The following ANGPTL8 variants were observed in gnomAD, a reference collection of about 807,000 sequenced individuals.
ANGPTL8 encodes the protein angiopoietin-like protein 8.
A neutral mutation model predicts 22.6 loss-of-function variants in ANGPTL8; 24 were observed. That is an observed-to-expected ratio of 1.06 (90% CI 0.77 to 1.49). ANGPTL8 has a LOEUF of 1.49. ANGPTL8 is among the 40% of genes most tolerant of loss of function. The probability of loss-of-function intolerance (pLI) is 0.00; values close to 1 mark genes in which losing one functional copy is unlikely to be tolerated. For missense variants in ANGPTL8, 230 were observed against 259.6 expected (o/e 0.89, Z 0.78); for synonymous variants, 88 against 113.4 (o/e 0.78, Z 1.42).
chr19:11,239,667 G>A lies in ANGPTL8; in HGVS notation c.30G>A (p.Trp10Ter). 1 of 1,613,736 alleles carries A rather than the reference G, an allele frequency of 6.2e-7. No homozygotes were observed. The highest frequency in any genetic ancestry group is 8.5e-7 in the Non-Finnish European group (1 of 1,179,856). MPVPALCLL[W>*]ALAMVTRPAS... ...CAGTGCCTGCTCTGTGCCTGCTCTG[G>A]GCCCTGGCAATGGTGACCCGGCCTG... The change falls in exon 1 of 4, where the codon TGG becomes TGA. Residue 10 changes from tryptophan to a stop codon, truncating the protein, a stop_gained. Coordinates refer to ENST00000252453, the MANE Select transcript of ANGPTL8 (RefSeq NM_018687.7). LOFTEE classifies it high-confidence loss of function.
chr19:11,240,317 T>G (rs1255086391), intron 2 of ANGPTL8, 21 bp downstream of exon 2: 3 of 1,530,124 alleles, frequency 2.0e-6, no homozygotes, highest in Non-Finnish European at 2.6e-6. Context: ...CCCCCAACCC[T>G]AGTGGGCTGA....
intron 2 of ANGPTL8, 145 bp downstream of exon 2, chr19:11,240,441 C>A (rs2079925084): frequency 1.2e-6 from 1 of 825,848 alleles, no homozygotes; most frequent in Non-Finnish European, 1.8e-6. Flanking sequence ...AAACTCAAGT[C>A]CTTTTGTGTG....
chr19:11,241,469 A>G lies in ANGPTL8; in HGVS notation c.484A>G (p.Ile162Val), dbSNP rs1244911541. 7 of 1,551,570 alleles carry G rather than the reference A, an allele frequency of 4.5e-6. No individual in the cohort carries two copies. The highest frequency in any genetic ancestry group is 6.1e-6 in the Non-Finnish European group (7 of 1,147,218). ...GGCTCACGCTGACAAGCAGAGCCAC[A>G]TCCTATGGGCCCTCACAGGCCACGT... Reference protein sequence around the residue: ...LKAHADKQSHILWALTGHVQR... With the variant: ...LKAHADKQSHVLWALTGHVQR... The change falls in exon 3 of 4, where the codon ATC (isoleucine) becomes GTC (valine). Residue 162 changes from isoleucine to valine, a missense_variant. Transcript: ENST00000252453.
At position 11,239,700 on chromosome 19, in the gene ANGPTL8, G is replaced by A. The variant is rs372882086; in HGVS notation, c.63G>A (p.Ala21=). The A allele has an allele frequency of 8.1e-5, 131 of 1,613,492 alleles. No individual in the cohort carries two copies. Among genetic ancestry groups the A allele is most frequent in the Middle Eastern group, 3.3e-4 (2 of 6,074 alleles). The stretch of plus-strand genomic sequence containing the variant: ...CAATGGTGACCCGGCCTGCCTCAGC[G>A]GCCCCCATGGGCGGCCCAGAACTGG... ...ALAMVTRPAS[A]APMGGPELAQ... Residue 21 remains alanine (A), a synonymous_variant, in exon 1 of 4, where the codon GCG becomes GCA. Transcript: ENST00000252453.
At position 11,241,749 on chromosome 19, in the gene ANGPTL8, GC is replaced by G; in HGVS notation, c.*66del. 1 of 1,553,806 alleles carries G rather than the reference GC, an allele frequency of 6.4e-7. No individual in the cohort carries two copies. On this transcript the variant is annotated 3_prime_UTR_variant, in exon 4 of 4. Transcript: ENST00000252453. ...AAGGAACACTTCCACGCCCCGTGAG[GC>G]CCCTGTGCAGGGAGGAGCTGCCTGT...
chr19:11,241,579 G>A (rs957168765), intron 3 of ANGPTL8, 25 bp downstream of exon 3: 9 of 1,554,952 alleles, frequency 5.8e-6, no homozygotes, highest in Non-Finnish European at 7.8e-6. Context: ...GGTTTGGCAG[G>A]CAGGGCAGTT....
In ANGPTL8 at chr19:11,241,857, T is replaced by G. The variant is rs2079951433; in HGVS notation, c.*170T>G. On this transcript the variant is annotated 3_prime_UTR_variant, in exon 4 of 4. Coordinates refer to ENST00000252453, the MANE Select transcript of ANGPTL8 (RefSeq NM_018687.7). ...CGCAGGCGGGGACAAAGGCAGAGGA[T>G]GTAGCCCCATTGGGGAGGGGTGGAG... The G allele has an allele frequency of 8.4e-6, 11 of 1,303,336 alleles. No homozygotes were observed. The highest frequency in any genetic ancestry group is 1.2e-5 in the Non-Finnish European group (11 of 935,788). 80.7% of individuals were successfully genotyped at this position (1,303,336 alleles called of 1,614,324 possible).
Position 11,241,444 on chromosome 19 carries a change from G to A in ANGPTL8, c.460-1G>A, listed in dbSNP as rs1255689377. 16 of 1,547,412 alleles carry A rather than the reference G, an allele frequency of 1.0e-5. No homozygotes were observed. The East Asian group carries it at 2.4e-4, about 24-fold the overall frequency. ...TGAGGTTTCCATTCTGACCCCCACA[G>A]GCTCACGCTGACAAGCAGAGCCACA... is the stretch of plus-strand genomic sequence containing the variant. On this transcript the variant is annotated splice_acceptor_variant, in intron 2 of 3. Transcript: ENST00000252453. LOFTEE classifies it high-confidence loss of function.
In ANGPTL8 at chr19:11,241,896, C is replaced by T. The variant is rs996951300; in HGVS notation, c.*209C>T. The T allele has an allele frequency of 1.6e-6, 2 of 1,252,882 alleles. No individual in the cohort carries two copies. Among genetic ancestry groups the T allele is most frequent in the Non-Finnish European group, 2.2e-6 (2 of 898,138 alleles). The allele number at this position is 1,252,882 out of a possible 1,614,324, so 77.6% of individuals were successfully genotyped here. On this transcript the variant is annotated 3_prime_UTR_variant, in exon 4 of 4. Coordinates refer to ENST00000252453, the MANE Select transcript of ANGPTL8 (RefSeq NM_018687.7). ...GGAGGGGTGGAGGAAGGACATGTAC[C>T]CTTTCATGCCTACACACCCCTCATT...
Position 11,241,599 on chromosome 19 carries a change from G to T in ANGPTL8, c.569+45G>T, listed in dbSNP as rs1319208067. ...GGCAGGCAGGGCAGTTGGATGGGGG[G>T]CGCACAGGGCAGCTGGAAAGGGGCC... On this transcript the variant is annotated intron_variant, in intron 3 of 3. Coordinates refer to ENST00000252453, the MANE Select transcript of ANGPTL8 (RefSeq NM_018687.7). 4 of 1,556,998 alleles carry T rather than the reference G, an allele frequency of 2.6e-6. No homozygotes were observed. The South Asian group carries it at 3.6e-5, about 14-fold the overall frequency.
intron 2 of ANGPTL8, among the ~76,000 whole-genome samples, chr19:11,241,105 G>A (rs2079936556): frequency 6.6e-6 from 1 of 151,928 alleles, no homozygotes; most frequent in African/African-American, 2.4e-5. Context: ...AATTAGCTGG[G>A]CGTGGTGGCA....
rs752084449 is a variant in ANGPTL8, at chr19:11,239,852, G to A, written c.215G>A (p.Arg72His). The A allele has an allele frequency of 3.1e-5, 50 of 1,598,756 alleles. No homozygotes were observed. The highest frequency in any genetic ancestry group is 3.5e-5 in the Admixed American group (2 of 56,924). The change falls in exon 1 of 4, where the codon CGC (arginine) becomes CAC (histidine). Residue 72 changes from arginine (R) to histidine (H), a missense_variant. Physicochemically the swap from Arg to His is conservative, Grantham distance 29 (BLOSUM62 0). Transcript: ENST00000252453. ...KARNSLGLYGRTIELLGQEVS... is the reference protein window; with the variant it reads ...KARNSLGLYGHTIELLGQEVS... ...AGGAACAGCCTGGGTCTCTATGGCC[G>A]CACAATAGAACTCCTGGGGCAGGAG...
In ANGPTL8 at chr19:11,241,854, G is replaced by C; in HGVS notation, c.*167G>C. The C allele has an allele frequency of 7.6e-7, 1 of 1,323,750 alleles. No homozygotes were observed. The highest frequency in any genetic ancestry group is 1.0e-6 in the Non-Finnish European group (1 of 953,322). The allele number at this position is 1,323,750 out of a possible 1,614,324, so 82.0% of individuals were successfully genotyped here. ...AGACGCAGGCGGGGACAAAGGCAGA[G>C]GATGTAGCCCCATTGGGGAGGGGTG... On this transcript the variant is annotated 3_prime_UTR_variant, in exon 4 of 4. Transcript: ENST00000252453.
Position 11,240,261 on chromosome 19 carries a change from C to T in ANGPTL8, c.424C>T (p.Leu142=). ...RLEVQLRSAW[L]GPAYREFEVL... The stretch of plus-strand genomic sequence containing the variant: ...AGAAGTCCAGCTGAGGAGCGCCTGG[C>T]TGGGCCCTGCCTACCGAGAATTTGA... The change falls in exon 2 of 4, where the codon CTG becomes TTG. Residue 142 remains leucine, a synonymous_variant. Coordinates refer to ENST00000252453, the MANE Select transcript of ANGPTL8 (RefSeq NM_018687.7). The T allele has an allele frequency of 3.8e-6, 6 of 1,584,894 alleles. No homozygotes were observed. The highest frequency in any genetic ancestry group is 5.1e-6 in the Non-Finnish European group (6 of 1,166,664).
In ANGPTL8 at chr19:11,239,915, C is replaced by A. The variant is rs1355873080; in HGVS notation, c.278C>A (p.Ala93Glu). ...RGRDAAQELR[A>E]SLLETQMEED... ...CGGGATGCAGCCCAGGAACTTCGGG[C>A]AAGCCTGTTGGAGACTCAGGTGGGC... is the stretch of plus-strand genomic sequence containing the variant. Residue 93 changes from alanine to glutamate, a missense_variant, in exon 1 of 4, where the codon GCA (alanine) becomes GAA (glutamate). Physicochemically the swap from Ala to Glu is moderately radical, Grantham distance 107. Coordinates refer to ENST00000252453, the MANE Select transcript of ANGPTL8 (RefSeq NM_018687.7). 6.3e-7 allele frequency: 1 copy of A among 1,587,368 alleles called. No homozygotes were observed. The highest frequency in any genetic ancestry group is 8.6e-7 in the Non-Finnish European group (1 of 1,167,176).
rs996951300 is a variant in ANGPTL8 at position 11,241,896 on chromosome 19, C to G, written c.*209C>G. 5.7e-5 allele frequency: 72 copies of G among 1,252,764 alleles called. No homozygotes were observed. Among genetic ancestry groups the G allele is most frequent in the Non-Finnish European group, 7.9e-5 (71 of 898,146 alleles). The allele number at this position is 1,252,764 out of a possible 1,614,324, so 77.6% of individuals were successfully genotyped here. On this transcript the variant is annotated 3_prime_UTR_variant, in exon 4 of 4. Transcript: ENST00000252453. ...GGAGGGGTGGAGGAAGGACATGTAC[C>G]CTTTCATGCCTACACACCCCTCATT... is the stretch of plus-strand genomic sequence containing the variant.
Position 11,240,229 on chromosome 19 carries a change from A to T in ANGPTL8, c.392A>T (p.Gln131Leu). The change falls in exon 2 of 4, where the codon CAG (glutamine) becomes CTG (leucine). Residue 131 changes from glutamine to leucine, a missense_variant. Gln to Leu is a moderately radical substitution (Grantham distance 113, BLOSUM62 -2). Coordinates refer to ENST00000252453, the MANE Select transcript of ANGPTL8 (RefSeq NM_018687.7). ...CAGAAGGTGCTACGGGACAGCGTGC[A>T]GCGGCTAGAAGTCCAGCTGAGGAGC... is the stretch of plus-strand genomic sequence containing the variant. ...QAQKVLRDSV[Q>L]RLEVQLRSAW... 1 of 1,575,666 alleles carries T rather than the reference A, an allele frequency of 6.3e-7. No individual in the cohort carries two copies. The highest frequency in any genetic ancestry group is 1.2e-5 in the South Asian group (1 of 85,644).
intron 1 of ANGPTL8, 92 bp downstream of exon 1, chr19:11,240,026 C>A (rs537756153): frequency 1.3e-6 from 2 of 1,545,456 alleles, no homozygotes; most frequent in Non-Finnish European, 1.8e-6. Flanking sequence ...TTGCCCAGGA[C>A]TGAAGGGATT....
chr19:11,241,428 C>T lies in ANGPTL8; in HGVS notation c.460-17C>T. ...TGAGGTGGCTGTCGGCTGAGGTTTC[C>T]ATTCTGACCCCCACAGGCTCACGCT... On this transcript the variant is annotated splice_polypyrimidine_tract_variant and intron_variant, in intron 2 of 3. Transcript: ENST00000252453. 3 of 1,524,866 alleles carry T rather than the reference C, an allele frequency of 2.0e-6. No homozygotes were observed. The highest frequency in any genetic ancestry group is 2.5e-5 in the East Asian group (1 of 40,674). 94.5% of individuals were successfully genotyped at this position (1,524,866 alleles called of 1,614,324 possible).
Sources: gnomAD v4.1 joint callset for allele counts (sites outside exome capture counted in the v4.1 genomes callset) on GRCh38, gnomAD v4.1.1 for gene constraint, MANE v1.5 for transcripts, NCBI Gene and HGNC (gene_info 2026-07-23, HGNC 2026-07-21) for gene names.